PLEKHS1: variants seen among roughly 807,000 people sequenced by gnomAD.
PLEKHS1 encodes pleckstrin homology domain containing S1.
A neutral mutation model predicts 51.0 loss-of-function variants in PLEKHS1; 55 were observed. The ratio of observed to expected loss-of-function variants is 1.08; its 90% CI spans 0.87 to 1.35. The LOEUF is 1.35. Among genes scored for constraint, PLEKHS1 ranks in the 40% most tolerant of loss-of-function variants. PLEKHS1 has a pLI of 0.00. For missense variants in PLEKHS1, 398 were observed against 423.0 expected (o/e 0.94, Z 0.52); for synonymous variants, 153 against 144.8 (o/e 1.06, Z -0.41).
chr10:113,777,085 A>T (rs1335941103), intron 11 of PLEKHS1, 39 bp from the exon 12 acceptor site: 1 of 1,606,898 alleles, frequency 6.2e-7, no homozygotes, highest in African/African-American at 1.3e-5. Context: ...TGGCCAGCTG[A>T]GCCTCACACT....
Position 113,769,770 on chromosome 10 carries a change from T to C in PLEKHS1, c.436-14T>C, listed in dbSNP as rs777565133. 10 of 1,572,874 alleles carry C rather than the reference T, an allele frequency of 6.4e-6. No homozygotes were observed. Among genetic ancestry groups the C allele is most frequent in the African/African-American group, 1.3e-5 (1 of 74,076 alleles). On this transcript the variant is annotated splice_polypyrimidine_tract_variant and intron_variant, in intron 6 of 11. Transcript: ENST00000361048. ...ATCAACTGTGCCCTGACTGATTCCT[T>C]TTTTTGTGAGCAGGAGGAACTCTCA...
chr10:113,783,272 C>CT (rs1287707141), downstream of PLEKHS1: 1 of 151,652 alleles, frequency 6.6e-6, no homozygotes, highest in Non-Finnish European at 1.5e-5. Context: ...TTGCTTAATT[C>CT]TGATTTCATA....
chr10:113,780,900 A>G (rs1022788847), exon 12 of PLEKHS1: 5 of 847,794 alleles, frequency 5.9e-6, no homozygotes, highest in Non-Finnish European at 8.9e-6. Flanking sequence ...CTGCATCTGC[A>G]TCTTAACAAT....
At chr10:113,770,635 A>G (rs1448935267) in intron 7 of PLEKHS1, among the ~76,000 whole-genome samples, 1 of 152,190 alleles carries the variant, frequency 6.6e-6, no homozygotes, top group Non-Finnish European at 1.5e-5. Flanking sequence ...CTCTCCAACT[A>G]TTTTGAAAGC....
intron 2 of PLEKHS1, among the ~76,000 whole-genome samples, chr10:113,759,847 A>G (rs980542953): frequency 2.6e-5 from 4 of 152,130 alleles, no homozygotes; most frequent in African/African-American, 9.7e-5. Context: ...AATTTGTTAG[A>G]TTTTTTAAAA....
chr10:113,763,442 A>G (rs958792963), intron 2 of PLEKHS1, among the ~76,000 whole-genome samples: 1 of 152,156 alleles, frequency 6.6e-6, no homozygotes, highest in Non-Finnish European at 1.5e-5. Flanking sequence ...GTTTAACATA[A>G]TTACTGATAT....
chr10:113,754,322 A>G (rs895481830), intron 1 of PLEKHS1, among the ~76,000 whole-genome samples: 6 of 152,146 alleles, frequency 3.9e-5, no homozygotes, highest in Non-Finnish European at 7.3e-5. Flanking sequence ...GAGTCTTACT[A>G]ACTTAAGGTA....
At chr10:113,773,427 G>GATAAATAAATAAATAAATAA (rs139521980) in intron 8 of PLEKHS1, among the ~76,000 whole-genome samples, 58 of 147,766 alleles carry the variant, frequency 3.9e-4, no homozygotes, top group African/African-American at 1.5e-3. Flanking sequence ...AAAGACCAAA[G>GATAAATAAATAAATAAATAA]ATAAATAAAT....
chr10:113,754,729 C>A (rs1179803944), intron 1 of PLEKHS1, among the ~76,000 whole-genome samples: 1 of 152,134 alleles, frequency 6.6e-6, no homozygotes, highest in African/African-American at 2.4e-5. Flanking sequence ...CATGATCTAC[C>A]CGCCTCAGCC....
exon 12 of PLEKHS1, chr10:113,781,952 C>T (rs1313093797): frequency 1.3e-5 from 2 of 152,326 alleles, no homozygotes; most frequent in African/African-American, 2.4e-5. Flanking sequence ...AGCAGTTTTA[C>T]ATCACATGCA....
exon 12 of PLEKHS1, chr10:113,782,296 A>T (rs910568612): frequency 5.3e-5 from 8 of 152,232 alleles, no homozygotes; most frequent in African/African-American, 1.9e-4. Context: ...CTGGGAAACA[A>T]ATGTCCAGAT....
rs552988249 is a variant in PLEKHS1 at position 113,757,085 on chromosome 10, G to T, written c.28+1780G>T. On this transcript the variant is annotated intron_variant, in intron 2 of 11. Transcript: ENST00000361048. ...GCCACCATGCCTGGCTCATTTTTTT[G>T]TGTGTTTTTAGTAGATACAGGGTTT... is the stretch of plus-strand genomic sequence containing the variant. 4.6e-5 allele frequency among the ~76,000 whole-genome samples: 7 copies of T among 151,972 alleles called. No individual in the cohort carries two copies. The South Asian group carries it at 8.3e-4, about 18-fold the overall frequency.
intron 1 of PLEKHS1, among the ~76,000 whole-genome samples, chr10:113,753,517 T>A (rs1277355358): frequency 6.6e-6 from 1 of 152,210 alleles, no homozygotes; most frequent in Non-Finnish European, 1.5e-5. Flanking sequence ...GAGCTGAGTG[T>A]GCCCGCTACA....
chr10:113,765,532 C>A, intron 2 of PLEKHS1: 1 of 608,088 alleles, frequency 1.6e-6, no homozygotes, highest in South Asian at 2.1e-5. Context: ...GCTTAGCAGA[C>A]AAAAGCAAAA....
chr10:113,777,080 A>T, intron 11 of PLEKHS1, 44 bp from the exon 12 acceptor site: 16 of 1,605,450 alleles, frequency 1.0e-5, no homozygotes, highest in Non-Finnish European at 1.4e-5. Flanking sequence ...CCTCCTGGCC[A>T]GCTGAGCCTC....
chr10:113,768,929 A>G (rs768172036), intron 6 of PLEKHS1, 39 bp downstream of exon 6: 3 of 1,476,200 alleles, frequency 2.0e-6, no homozygotes, highest in East Asian at 4.7e-5. Flanking sequence ...GGGCACCTGA[A>G]CACAACCCTC....
intron 6 of PLEKHS1, 144 bp from the exon 7 acceptor site, chr10:113,769,640 G>A: frequency 1.5e-6 from 1 of 676,386 alleles, no homozygotes; most frequent in Non-Finnish European, 2.7e-6. Flanking sequence ...TCTTGTCTTG[G>A]TGAAATAATG....
intron 1 of PLEKHS1, among the ~76,000 whole-genome samples, chr10:113,753,389 G>C (rs781201365): frequency 2.6e-5 from 4 of 152,156 alleles, no homozygotes; most frequent in African/African-American, 7.2e-5. Context: ...TTTGGGGAGT[G>C]GGCAAGGTTT....
intron 2 of PLEKHS1, 62 bp from the exon 3 acceptor site, chr10:113,766,349 A>G (rs1844158940): frequency 2.0e-6 from 2 of 1,013,226 alleles, no homozygotes; most frequent in Non-Finnish European, 3.0e-6. Context: ...GTGTTTTCCA[A>G]TTGAGGCAGT....
Sources: gnomAD v4.1 joint callset for allele counts (sites outside exome capture counted in the v4.1 genomes callset) on GRCh38, gnomAD v4.1.1 for gene constraint, MANE v1.5 for transcripts, NCBI Gene and HGNC (gene_info 2026-07-23, HGNC 2026-07-21) for gene names.